PLCB3: variants seen among roughly 807,000 people sequenced by gnomAD.
PLCB3 encodes 1-phosphatidylinositol 4,5-bisphosphate phosphodiesterase beta-3.
In PLCB3, 54 loss-of-function variants were observed where a neutral mutation model predicts 152.1. The ratio of observed to expected loss-of-function variants is 0.36; its 90% CI spans 0.29 to 0.45. The LOEUF (loss-of-function observed/expected upper bound fraction) is 0.45. Among genes scored for constraint, PLCB3 ranks in the 20% least tolerant of loss-of-function variants. PLCB3 has a pLI of 1.00. For synonymous variants in PLCB3, 717 were observed against 698.7 expected, an observed-to-expected ratio of 1.03 and a Z score of -0.41; for missense variants, 1,248 against 1,687.5, an observed-to-expected ratio of 0.74 and a Z score of 4.56.
Position 64,265,929 on chromosome 11 carries a change from G to A in PLCB3, c.3079G>A (p.Glu1027Lys), listed in dbSNP as rs766694013. The A allele has an allele frequency of 5.0e-6, 8 of 1,613,498 alleles. No homozygotes were observed. Among genetic ancestry groups the A allele is most frequent in the African/African-American group, 1.3e-5 (1 of 74,904 alleles). ...DVEDTKEGEDEAKRYQEFQNR... is the reference protein window; with the variant it reads ...DVEDTKEGEDKAKRYQEFQNR... ...GGAGGACACGAAGGAGGGGGAGGAC[G>A]AGGCAAAGCGGTATCAGGAGTTCCA... Residue 1027 changes from glutamate to lysine, a missense_variant, in exon 26 of 31, where the codon GAG (glutamate) becomes AAG (lysine). Around this residue, in one of 6 missense-constraint regions of PLCB3, gnomAD observed 477 missense variants for 489.6 expected, o/e 0.97. Transcript: ENST00000279230.
intron 14 of PLCB3, 41 bp downstream of exon 14, chr11:64,260,275 A>G (rs1002741759): frequency 3.3e-5 from 46 of 1,409,332 alleles, no homozygotes; most frequent in Non-Finnish European, 4.2e-5. Context: ...GGTAGCATCT[A>G]TTTACCTCCC....
chr11:64,262,930 T>G (rs1488706618), intron 19 of PLCB3, 122 bp downstream of exon 19: 2 of 1,002,376 alleles, frequency 2.0e-6, no homozygotes, highest in Non-Finnish European at 1.5e-6. Context: ...AAGTGGGGGG[T>G]GCCATGGGTC....
Position 64,255,792 on chromosome 11 carries a change from G to A in PLCB3, c.669G>A (p.Arg223=). The A allele has an allele frequency of 2.5e-6, 4 of 1,614,020 alleles. No homozygotes were observed. The highest frequency in any genetic ancestry group is 3.4e-6 in the Non-Finnish European group (4 of 1,179,890). ...GGTTCCTGAACAAGCTGTGTCTGCG[G>A]CCGGACATTGACAAGATCCTGCTGG... The part of the protein sequence containing the change: ...FERFLNKLCL[R]PDIDKILLEI... Residue 223 remains arginine (R), a synonymous_variant, in exon 8 of 31, where the codon CGG becomes CGA. Transcript: ENST00000279230. The surrounding 1 kb of genome is among the most constrained non-coding windows in gnomAD (Gnocchi z 6.8).
chr11:64,261,571 C>T lies in PLCB3; in HGVS notation c.1829-10C>T. ...CCAGGTCTGACGCCCTTTCTTGGCTCACCCCTAAGAGAGGAACAAATGCTT... is the reference window on the plus strand; with the variant it reads ...CCAGGTCTGACGCCCTTTCTTGGCTTACCCCTAAGAGAGGAACAAATGCTT... On this transcript the variant is annotated splice_polypyrimidine_tract_variant and intron_variant, in intron 15 of 30. Coordinates refer to ENST00000279230, the MANE Select transcript of PLCB3 (RefSeq NM_000932.5). 6.2e-7 allele frequency: 1 copy of T among 1,613,988 alleles called. No homozygotes were observed. Among genetic ancestry groups the T allele is most frequent in the Non-Finnish European group, 8.5e-7 (1 of 1,179,818 alleles).
rs2031208852 is a variant in PLCB3 at position 64,251,678 on chromosome 11, C to T, written c.29C>T (p.Ala10Val). Residue 10 changes from alanine (A) to valine (V), a missense_variant, in exon 1 of 31, where the codon GCG becomes GTG. Physicochemically the swap from Ala to Val is moderately conservative, Grantham distance 64. Transcript: ENST00000279230. The stretch of plus-strand genomic sequence containing the variant: ...GCGGGCGCCCAGCCCGGCGTCCACG[C>T]GCTGCAGTTGGAGCCGCCCACCGTG... MAGAQPGVHALQLEPPTVVE... is the reference protein window; with the variant it reads MAGAQPGVHVLQLEPPTVVE... 6.8e-6 allele frequency: 10 copies of T among 1,476,420 alleles called. No homozygotes were observed. Among genetic ancestry groups the T allele is most frequent in the Non-Finnish European group, 9.0e-6 (10 of 1,110,758 alleles). 91.5% of individuals were successfully genotyped at this position (1,476,420 alleles called of 1,614,324 possible). A position where few individuals can be genotyped will look rare whatever the true frequency, so the allele number is the denominator to read the frequency against.
chr11:64,267,088 C>T lies in PLCB3; in HGVS notation c.3415-97C>T. On this transcript the variant is annotated intron_variant, in intron 29 of 30. Coordinates refer to ENST00000279230, the MANE Select transcript of PLCB3 (RefSeq NM_000932.5). This position sits in a 1 kb window ranked among gnomAD's most constrained non-coding sequence, Gnocchi z 5.2. Reference sequence around the variant, plus strand: ...GGATTATAGATGTGAGCCACTGCACCCGGCCTCGCCCACCTGACTTCTATA... The same window carrying T: ...GGATTATAGATGTGAGCCACTGCACTCGGCCTCGCCCACCTGACTTCTATA... 2 of 1,082,748 alleles carry T rather than the reference C, an allele frequency of 1.8e-6. No homozygotes were observed. Among genetic ancestry groups the T allele is most frequent in the East Asian group, 5.2e-5 (2 of 38,478 alleles). The allele number at this position is 1,082,748 out of a possible 1,614,324, so 67.1% of individuals were successfully genotyped here.
intron 21 of PLCB3, 49 bp downstream of exon 21, chr11:64,263,844 AAGGGCCACCCCC>A: frequency 1.3e-6 from 2 of 1,487,046 alleles, no homozygotes; most frequent in Non-Finnish European, 1.9e-6. Flanking sequence ...TGTGAGGGAC[AAGGGCCACCCCC>A]AGGGCCTGGG....
chr11:64,267,516 G>T lies in PLCB3; in HGVS notation c.3665G>T (p.Gly1222Val). Residue 1222 changes from glycine to valine, a missense_variant, in exon 31 of 31, where the codon GGC becomes GTC. Physicochemically the swap from Gly to Val is moderately radical, Grantham distance 109. Coordinates refer to ENST00000279230, the MANE Select transcript of PLCB3 (RefSeq NM_000932.5). This position sits in a 1 kb window ranked among gnomAD's most constrained non-coding sequence, Gnocchi z 5.2. ...CCCGGGAGCAGCGGGCACCTGTCGG[G>T]CGCTGACTCGGAGAGCCAGGAGGAG... ...HAPGSSGHLS[G>V]ADSESQEENT... 1 of 1,568,910 alleles carries T rather than the reference G, an allele frequency of 6.4e-7. No homozygotes were observed.
Position 64,259,216 on chromosome 11 carries a change from G to A in PLCB3, c.1497G>A (p.Ala499=), listed in dbSNP as rs765311108. The A allele has an allele frequency of 9.6e-6, 15 of 1,557,940 alleles. No individual in the cohort carries two copies. Among genetic ancestry groups the A allele is most frequent in the Admixed American group, 3.7e-5 (2 of 54,388 alleles). Residue 499 remains alanine, a synonymous_variant, in exon 13 of 31, where the codon GCG becomes GCA. Transcript: ENST00000279230. ...ATTCTGCCCTGAGCGAGAGCTCCGC[G>A]GCCACCGAGCCCTCCTCCCCGCAGC... ...QSNSALSESS[A]ATEPSSPQLG...
rs1354538033 is a variant in PLCB3, at chr11:64,254,756, C to A, written c.186C>A (p.Asp62Glu). 34 of 1,612,878 alleles carry A rather than the reference C, an allele frequency of 2.1e-5. No individual in the cohort carries two copies. The highest frequency in any genetic ancestry group is 2.8e-5 in the Non-Finnish European group (33 of 1,179,860). ...LYWTGPNMEV[D>E]TLDISSIRDT... is the part of the protein sequence containing the mutation. ...CATCTGGTTCCCCCCAGGAGGTGGA[C>A]ACACTGGACATCAGTTCCATCAGGG... Residue 62 changes from aspartate to glutamate, a missense_variant, in exon 3 of 31, where the codon GAC becomes GAA. Physicochemically the swap from Asp to Glu is conservative, Grantham distance 45. Transcript: ENST00000279230.
At chr11:64,264,909 G>A in intron 22 of PLCB3, 42 bp from the exon 23 acceptor site, 1 of 1,607,820 alleles carries the variant, frequency 6.2e-7, no homozygotes, top group Non-Finnish European at 8.5e-7. Context: ...GGTCTGGAGG[G>A]AACAGCATTT....
At chr11:64,252,171 C>T (rs945230622) in intron 1 of PLCB3, among the ~76,000 whole-genome samples, 15 of 152,052 alleles carry the variant, frequency 9.9e-5, no homozygotes, top group Admixed American at 9.8e-4. Flanking sequence ...GCCAGGGCGC[C>T]CCTACTCTCC....
In PLCB3 at chr11:64,267,292, G is replaced by A. The variant is rs759382054; in HGVS notation, c.3501+21G>A. 6.7e-5 allele frequency: 104 copies of A among 1,550,882 alleles called. 2 individuals are homozygous for A. The highest frequency in any genetic ancestry group is 6.7e-4 in the South Asian group (56 of 84,056). On this transcript the variant is annotated intron_variant, in intron 30 of 30. Transcript: ENST00000279230. This position sits in a 1 kb window ranked among gnomAD's most constrained non-coding sequence, Gnocchi z 5.2. ...CCAAGGTGAGGCCATGGGCGAACAGGTGGGCAGACGGGGTGCAAGGCAGCC... is the reference window on the plus strand; with the variant it reads ...CCAAGGTGAGGCCATGGGCGAACAGATGGGCAGACGGGGTGCAAGGCAGCC...
Position 64,265,051 on chromosome 11 carries a change from G to A in PLCB3, c.2753G>A (p.Arg918His), listed in dbSNP as rs770407468. The change falls in exon 23 of 31, where the codon CGC (arginine) becomes CAC (histidine). Residue 918 changes from arginine to histidine, a missense_variant. Transcript: ENST00000279230. Reference protein sequence around the residue: ...PTPSPLDASPRRPPGPTTSPA... With the variant: ...PTPSPLDASPHRPPGPTTSPA... ...CCCAGCCCACTGGATGCCTCCCCCC[G>A]CCGGCCCCCTGGCCCCACCACCTCC... The A allele has an allele frequency of 5.4e-5, 23 of 422,802 alleles. No individual in the cohort carries two copies. The highest frequency in any genetic ancestry group is 1.6e-4 in the African/African-American group (2 of 12,832). The allele number at this position is 422,802 out of a possible 1,614,324, so 26.2% of individuals were successfully genotyped here.
rs73500181 is a variant in PLCB3, at chr11:64,262,083, C to A, written c.2038+7C>A. 7,076 of 1,614,020 alleles carry A rather than the reference C, an allele frequency of 4.4e-3. 290 individuals are homozygous for A. The African/African-American group carries it at 0.084, about 19-fold the overall frequency. ...CTCAACTTCCAGACCCTCGGTGAGC[C>A]CTGGCCCCCTCCATCTTGACCCCGA... On this transcript the variant is annotated splice_region_variant and intron_variant, in intron 17 of 30. Coordinates refer to ENST00000279230, the MANE Select transcript of PLCB3 (RefSeq NM_000932.5).
chr11:64,252,130 C>T (rs954678625), intron 1 of PLCB3, among the ~76,000 whole-genome samples: 1 of 152,150 alleles, frequency 6.6e-6, no homozygotes, highest in Admixed American at 6.5e-5. Context: ...GACTTCCAGG[C>T]TGGCTGGGGG....
At chr11:64,269,432 TCA>T (rs1158442294), downstream of PLCB3, among the ~76,000 whole-genome samples, 1 of 152,206 alleles carries the variant, frequency 6.6e-6, no homozygotes, top group Non-Finnish European at 1.5e-5. Flanking sequence ...GCATGAAGCC[TCA>T]GTTTCCAGCG....
chr11:64,264,824 C>T (rs1565337369), intron 22 of PLCB3, 127 bp from the exon 23 acceptor site: 26 of 787,988 alleles, frequency 3.3e-5, no homozygotes, highest in Non-Finnish European at 3.3e-5. Context: ...TGTTACAGAG[C>T]AGTCCAGCAG....
chr11:64,252,339 A>C (rs2031256717), intron 1 of PLCB3, among the ~76,000 whole-genome samples: 4 of 134,262 alleles, frequency 3.0e-5, no homozygotes, highest in South Asian at 2.5e-4. Context: ...AAGTTCCTCC[A>C]CCCCTGGGAA....
Sources: allele counts gnomAD v4.1 joint callset (sites outside exome capture counted in the v4.1 genomes callset), GRCh38; gene constraint gnomAD v4.1.1; regional missense constraint gnomAD v4.1.1; non-coding constraint Gnocchi (gnomAD v3.1); transcripts MANE v1.5; gene names NCBI Gene and HGNC (gene_info 2026-07-23, HGNC 2026-07-21).